TFCP2L1: variants seen among roughly 807,000 people sequenced by gnomAD.
The protein encoded by TFCP2L1 is transcription factor CP2 like 1, also known as transcription factor CP2-like protein 1.
Under a neutral mutation model 72.2 loss-of-function variants are expected in TFCP2L1, and 12 were observed. The ratio of observed to expected loss-of-function variants is 0.17; its 90% CI spans 0.11 to 0.27. The LOEUF is 0.27. TFCP2L1 is among the 10% of genes least tolerant of loss of function. The pLI is 1.00. For missense variants in TFCP2L1, 488 were observed against 624.6 expected (o/e 0.78, Z 2.33); for synonymous variants, 260 against 251.0 (o/e 1.04, Z -0.34).
chr2:121,266,409 C>G (rs1195238028), intron 2 of TFCP2L1, among the ~76,000 whole-genome samples: 2 of 152,170 alleles, frequency 1.3e-5, no homozygotes, highest in East Asian at 3.8e-4. Context: ...CCATATAAAT[C>G]ATAACCCTAT....
chr2:121,284,573 C>T (rs1225814196), intron 1 of TFCP2L1, among the ~76,000 whole-genome samples: 2 of 152,204 alleles, frequency 1.3e-5, no homozygotes, highest in East Asian at 1.9e-4. Flanking sequence ...CGCCCCTCGT[C>T]CAAGGAAGGG....
At chr2:121,233,706 A>G (rs1207481476) in intron 12 of TFCP2L1, among the ~76,000 whole-genome samples, 1 of 152,202 alleles carries the variant, frequency 6.6e-6, no homozygotes, top group Non-Finnish European at 1.5e-5. Flanking sequence ...GAAGGCTGAC[A>G]GCCACGCCTC....
chr2:121,284,006 C>T (rs968553114), intron 1 of TFCP2L1, among the ~76,000 whole-genome samples: 1 of 152,146 alleles, frequency 6.6e-6, no homozygotes, highest in South Asian at 2.1e-4. Flanking sequence ...ATCATTCCCC[C>T]GCCTCCAGGA....
intron 2 of TFCP2L1, among the ~76,000 whole-genome samples, chr2:121,275,413 A>AAAAAAAAAAC (rs1687127552): frequency 6.6e-6 from 1 of 150,932 alleles, no homozygotes; most frequent in Non-Finnish European, 1.5e-5. Flanking sequence ...AAAAAAAAAA[A>AAAAAAAAAAC]AAGAAATAAC....
intron 6 of TFCP2L1, among the ~76,000 whole-genome samples, chr2:121,242,683 GA>G (rs375356371): frequency 6.6e-6 from 1 of 152,202 alleles, no homozygotes; most frequent in Admixed American, 6.5e-5. Context: ...TGCTCAAGGG[GA>G]AAAGATTGTT....
intron 2 of TFCP2L1, among the ~76,000 whole-genome samples, chr2:121,255,779 G>A (rs934958431): frequency 1.6e-4 from 23 of 147,924 alleles, no homozygotes; most frequent in Non-Finnish European, 3.0e-4. Flanking sequence ...ATCTCGCTCT[G>A]TCGCCCAGGC....
intron 5 of TFCP2L1, among the ~76,000 whole-genome samples, chr2:121,247,945 T>C (rs1686523441): frequency 6.6e-6 from 1 of 152,246 alleles, no homozygotes; most frequent in Non-Finnish European, 1.5e-5. Flanking sequence ...AAAACCCAGA[T>C]AGAATTCTAA....
rs932273512 is a variant in TFCP2L1, at chr2:121,266,305, C to CA, written c.214+14814dup. On this transcript the variant is annotated intron_variant, in intron 2 of 14. Transcript: ENST00000263707. ...CCCTCTCTCCTCCTCCAAATATCCA[C>CA]AAAAAATTGCCAAAGTTAGTGGCAG... Among the ~76,000 whole-genome samples, 17 of 152,074 alleles carry CA rather than the reference C, an allele frequency of 1.1e-4. 1 individual carries two copies. The highest frequency in any genetic ancestry group is 9.8e-4 in the Admixed American group (15 of 15,250).
intron 2 of TFCP2L1, among the ~76,000 whole-genome samples, chr2:121,253,883 A>G (rs919223133): frequency 3.9e-5 from 6 of 151,982 alleles, no homozygotes; most frequent in Admixed American, 6.6e-5. Flanking sequence ...CTGCATGCCT[A>G]CCCCCGTGCC....
rs11685034 is a variant in TFCP2L1, at chr2:121,224,858, G to A, written c.1394-471C>T. Among the ~76,000 whole-genome samples the A allele has an allele frequency of 9.1e-3, 1,378 of 152,250 alleles. 10 individuals carry two copies. Among genetic ancestry groups the A allele is most frequent in the Non-Finnish European group, 0.015 (1,042 of 68,016 alleles). ...AAATTAGCCGGGCCTGGTGGCGGGC[G>A]CCTGTAGTCCCAGCTACTCGGGAGG... On this transcript the variant is annotated intron_variant, in intron 14 of 14. Coordinates refer to ENST00000263707, the MANE Select transcript of TFCP2L1 (RefSeq NM_014553.3).
chr2:121,244,771 G>A (rs3768912), intron 6 of TFCP2L1, among the ~76,000 whole-genome samples: 22,176 of 152,138 alleles, frequency 0.15, 1,974 homozygotes, highest in South Asian at 0.28. Context: ...GGAGTGAACC[G>A]CTGCCTGACG....
intron 8 of TFCP2L1, 119 bp downstream of exon 8, chr2:121,239,439 C>T (rs751144562): frequency 2.8e-5 from 30 of 1,086,122 alleles, no homozygotes; most frequent in Non-Finnish European, 3.9e-5. Flanking sequence ...GACTGCAACA[C>T]GAGTTAGCTA....
At chr2:121,254,210 T>C (rs1321000080) in intron 2 of TFCP2L1, among the ~76,000 whole-genome samples, 2 of 152,240 alleles carry the variant, frequency 1.3e-5, no homozygotes, top group Non-Finnish European at 2.9e-5. Context: ...AGTGCTATAG[T>C]GCTGTTCTCT....
chr2:121,242,792 G>T lies in TFCP2L1; in HGVS notation c.658-323C>A, dbSNP rs376053331. Reference sequence around the variant, plus strand: ...CCAGGGAGAGCAGAGGAAAGTGGAAGAAGTACAGGCTGCTGGTCTGGATTT... The same window carrying T: ...CCAGGGAGAGCAGAGGAAAGTGGAATAAGTACAGGCTGCTGGTCTGGATTT... On this transcript the variant is annotated intron_variant, in intron 6 of 14. Transcript: ENST00000263707. Among the ~76,000 whole-genome samples, 162 of 152,280 alleles carry T rather than the reference G, an allele frequency of 1.1e-3. 7 individuals are homozygous for T. The South Asian group carries it at 0.031, about 29-fold the overall frequency.
chr2:121,224,961 GGTGACAGA>G (rs1452206564), intron 14 of TFCP2L1, among the ~76,000 whole-genome samples: 1 of 150,368 alleles, frequency 6.7e-6, no homozygotes, highest in Non-Finnish European at 1.5e-5. Flanking sequence ...CTCCAGCCTG[GGTGACAGA>G]GCAAGACTCC....
rs982790908 is a variant in TFCP2L1 at position 121,219,245 on chromosome 2, C to G, written c.*5096G>C. 6.6e-6 allele frequency: 1 copy of G among 152,294 alleles called. No homozygotes were observed. Among genetic ancestry groups the G allele is most frequent in the Non-Finnish European group, 1.5e-5 (1 of 68,078 alleles). 9.4% of individuals were successfully genotyped at this position (152,294 alleles called of 1,614,324 possible). On this transcript the variant is annotated 3_prime_UTR_variant, in exon 15 of 15. Transcript: ENST00000263707. Reference sequence around the variant, plus strand: ...GAGGATCATCGAGCTACCGAGGGAGCCTGTTTTCCCCAAATGCGAAGGGAA... The same window carrying G: ...GAGGATCATCGAGCTACCGAGGGAGGCTGTTTTCCCCAAATGCGAAGGGAA...
chr2:121,231,492 G>A (rs1023672077), intron 13 of TFCP2L1, among the ~76,000 whole-genome samples: 1 of 152,182 alleles, frequency 6.6e-6, no homozygotes, highest in African/African-American at 2.4e-5. Context: ...CCTCTCCCTG[G>A]GGACTGTCGC....
At chr2:121,263,389 C>T (rs181993331) in intron 2 of TFCP2L1, among the ~76,000 whole-genome samples, 27 of 144,490 alleles carry the variant, frequency 1.9e-4, no homozygotes, top group African/African-American at 7.0e-4. Context: ...ATGGTTTAAC[C>T]TAATATAACG....
At chr2:121,227,312 C>T (rs13415746) in intron 13 of TFCP2L1, among the ~76,000 whole-genome samples, 2,887 of 152,274 alleles carry the variant, frequency 0.019, 110 homozygotes, top group African/African-American at 0.065. Context: ...GGTTCTTTAA[C>T]TGTATAAGTA....
Sources: gnomAD v4.1 joint callset for allele counts (sites outside exome capture counted in the v4.1 genomes callset) on GRCh38, gnomAD v4.1.1 for gene constraint, MANE v1.5 for transcripts, NCBI Gene and HGNC (gene_info 2026-07-23, HGNC 2026-07-21) for gene names.